Variants in HAS2 observed in about 807,000 individuals in gnomAD.
The protein encoded by HAS2 is HA synthase 2.
In HAS2, 16 loss-of-function variants were observed where a neutral mutation model predicts 51.6. The observed-to-expected ratio is 0.31, with a 90% CI of 0.21 to 0.47. The LOEUF is 0.47. HAS2 is among the 20% of genes least tolerant of loss of function. HAS2 has a pLI of 1.00. For synonymous variants in HAS2, 228 were observed against 235.5 expected (o/e 0.97, Z 0.29); for missense variants, 361 against 662.6 (o/e 0.54, Z 5.00).
Position 121,630,706 on chromosome 8 carries a change from C to T in HAS2, c.1-1366G>A, listed in dbSNP as rs150398331. 8.4e-4 allele frequency among the ~76,000 whole-genome samples: 128 copies of T among 152,246 alleles called. 1 individual carries two copies. The highest frequency in any genetic ancestry group is 3.0e-3 in the African/African-American group (126 of 41,550). On this transcript the variant is annotated intron_variant, in intron 1 of 3. Coordinates refer to ENST00000303924, the MANE Select transcript of HAS2 (RefSeq NM_005328.3). ...AGTTTATTTTAAATAGAAACTTAGACTAAGCAATTACCTTTGCAAAATCTT... is the reference window on the plus strand; with the variant it reads ...AGTTTATTTTAAATAGAAACTTAGATTAAGCAATTACCTTTGCAAAATCTT...
chr8:121,632,381 A>C (rs1461927395), intron 1 of HAS2, among the ~76,000 whole-genome samples: 1 of 152,210 alleles, frequency 6.6e-6, no homozygotes, highest in Non-Finnish European at 1.5e-5. Context: ...AAATTGGAAA[A>C]TAGAGTTAGT....
intron 1 of HAS2, among the ~76,000 whole-genome samples, chr8:121,630,795 A>G (rs1330808599): frequency 6.6e-6 from 1 of 152,208 alleles, no homozygotes; most frequent in Non-Finnish European, 1.5e-5. Flanking sequence ...CTGTTCACAC[A>G]GTATCCTCTA....
At chr8:121,616,157 A>G (rs1187400918) in intron 3 of HAS2, among the ~76,000 whole-genome samples, 1 of 152,184 alleles carries the variant, frequency 6.6e-6, no homozygotes, top group Non-Finnish European at 1.5e-5. Flanking sequence ...ATATTTTCAC[A>G]TATACATTTT....
intron 1 of HAS2, among the ~76,000 whole-genome samples, chr8:121,632,512 T>C (rs533769958): frequency 6.6e-6 from 1 of 152,310 alleles, no homozygotes; most frequent in Admixed American, 6.5e-5. Flanking sequence ...GGCCTACTAA[T>C]TGATACCAAA....
At position 121,613,401 on chromosome 8, in the gene HAS2, G is replaced by A. The variant is rs1201301339; in HGVS notation, c.*708C>T. On this transcript the variant is annotated 3_prime_UTR_variant, in exon 4 of 4. Coordinates refer to ENST00000303924, the MANE Select transcript of HAS2 (RefSeq NM_005328.3). ...AGAAATAAACTATTCAATTTTAAAAGGTAGAGAGAGAGAAACATTTTATTC... is the reference window on the plus strand; with the variant it reads ...AGAAATAAACTATTCAATTTTAAAAAGTAGAGAGAGAGAAACATTTTATTC... 9.8e-5 allele frequency: 15 copies of A among 152,440 alleles called. No homozygotes were observed. The highest frequency in any genetic ancestry group is 1.3e-4 in the Admixed American group (2 of 15,262). 9.4% of individuals were successfully genotyped at this position (152,440 alleles called of 1,614,324 possible).
chr8:121,624,984 G>C (rs1451249375), intron 2 of HAS2, among the ~76,000 whole-genome samples: 1 of 151,752 alleles, frequency 6.6e-6, no homozygotes, highest in Non-Finnish European at 1.5e-5. Context: ...TGTAGTCCCG[G>C]GTACTTGGGA....
At chr8:121,616,457 G>A (rs1586502066) in intron 3 of HAS2, among the ~76,000 whole-genome samples, 1 of 142,616 alleles carries the variant, frequency 7.0e-6, no homozygotes, top group Admixed American at 7.1e-5. Context: ...TTTTTTTTGA[G>A]ACTGGGTCTT....
chr8:121,625,644 G>A (rs1212043576), intron 2 of HAS2, among the ~76,000 whole-genome samples: 1 of 150,184 alleles, frequency 6.7e-6, no homozygotes, highest in African/African-American at 2.5e-5. Context: ...GAGTAGCTGG[G>A]ACCAGAGACA....
chr8:121,629,110 G>T lies in HAS2; in HGVS notation c.231C>A (p.Thr77=). 1.9e-6 allele frequency: 3 copies of T among 1,614,052 alleles called. No homozygotes were observed. Among genetic ancestry groups the T allele is most frequent in the Non-Finnish European group, 2.5e-6 (3 of 1,179,960 alleles). ...EHRKMKKSLE[T]PIKLNKTVAL... ...CAACTGTTTTGTTCAACTTTATGGG[G>T]GTTTCTAGGGATTTTTTCATTTTTC... Residue 77 remains threonine (T), a synonymous_variant, in exon 2 of 4, where the codon ACC becomes ACA. Coordinates refer to ENST00000303924, the MANE Select transcript of HAS2 (RefSeq NM_005328.3).
chr8:121,621,073 C>G lies in HAS2; in HGVS notation c.628-3867G>C, dbSNP rs117075089. On this transcript the variant is annotated intron_variant, in intron 2 of 3. Coordinates refer to ENST00000303924, the MANE Select transcript of HAS2 (RefSeq NM_005328.3). ...ACTAGTTACAACAGAGACCATATAG[C>G]CTGCAAAGCCTAATATTTACTATTT... 3.3e-4 allele frequency among the ~76,000 whole-genome samples: 50 copies of G among 152,262 alleles called. No individual in the cohort carries two copies. The East Asian group carries it at 9.3e-3, about 28-fold the overall frequency.
chr8:121,618,390 G>T (rs1812734297), intron 2 of HAS2, among the ~76,000 whole-genome samples: 3 of 152,078 alleles, frequency 2.0e-5, no homozygotes. Context: ...CTGTTCCTGG[G>T]GGGGTGCCCA....
At chr8:121,615,486 G>A (rs1466628832) in intron 3 of HAS2, among the ~76,000 whole-genome samples, 1 of 152,054 alleles carries the variant, frequency 6.6e-6, no homozygotes, top group African/African-American at 2.4e-5. Flanking sequence ...CACCAGGCCT[G>A]GCTAATTTTT....
intron 1 of HAS2, among the ~76,000 whole-genome samples, chr8:121,630,579 C>T (rs1812916131): frequency 6.6e-6 from 1 of 152,158 alleles, no homozygotes; most frequent in Non-Finnish European, 1.5e-5. Context: ...GCAATATCTT[C>T]ATCTTTAGTC....
At position 121,612,858 on chromosome 8, in the gene HAS2, T is replaced by C. The variant is rs1268616676; in HGVS notation, c.*1251A>G. On this transcript the variant is annotated 3_prime_UTR_variant, in exon 4 of 4. Coordinates refer to ENST00000303924, the MANE Select transcript of HAS2 (RefSeq NM_005328.3). ...AGAGGATAGATACTTGGTGATTCTA[T>C]CTGCCAATTTTGAATTTATATGTTT... 1 of 152,022 alleles carries C rather than the reference T, an allele frequency of 6.6e-6. No individual in the cohort carries two copies. Among genetic ancestry groups the C allele is most frequent in the East Asian group, 1.9e-4 (1 of 5,188 alleles). 9.4% of individuals were successfully genotyped at this position (152,022 alleles called of 1,614,324 possible).
intron 1 of HAS2, among the ~76,000 whole-genome samples, chr8:121,630,781 C>A (rs186868480): frequency 6.6e-6 from 1 of 152,324 alleles, no homozygotes; most frequent in African/African-American, 2.4e-5. Context: ...AAACTTAACA[C>A]TGACTGTTCA....
rs1812668254 is a variant in HAS2 at position 121,613,920 on chromosome 8, T to G, written c.*189A>C. On this transcript the variant is annotated 3_prime_UTR_variant, in exon 4 of 4. Coordinates refer to ENST00000303924, the MANE Select transcript of HAS2 (RefSeq NM_005328.3). ...TTTCATAGAAATAACAGGTTAAATCTGAGTTTCTTCTTGTTGATGTATTGT... is the reference window on the plus strand; with the variant it reads ...TTTCATAGAAATAACAGGTTAAATCGGAGTTTCTTCTTGTTGATGTATTGT... 2.6e-6 allele frequency: 2 copies of G among 774,394 alleles called. No individual in the cohort carries two copies. The highest frequency in any genetic ancestry group is 3.5e-5 in the South Asian group (2 of 56,354). The allele number at this position is 774,394 out of a possible 1,614,324, so 48.0% of individuals were successfully genotyped here.
rs540379459 is a variant in HAS2, at chr8:121,636,542, C to T, written c.-1+4311G>A. On this transcript the variant is annotated intron_variant, in intron 1 of 3. Transcript: ENST00000303924. Reference sequence around the variant, plus strand: ...TTTTTTACAGGACTTGTCACTCCAGCGGTGTCTGGGTTCAGAACTGTAGGT... The same window carrying T: ...TTTTTTACAGGACTTGTCACTCCAGTGGTGTCTGGGTTCAGAACTGTAGGT... Among the ~76,000 whole-genome samples, 14 of 152,246 alleles carry T rather than the reference C, an allele frequency of 9.2e-5. No homozygotes were observed. The East Asian group carries it at 2.1e-3, about 23-fold the overall frequency.
At chr8:121,624,183 G>T (rs1812811878) in intron 2 of HAS2, among the ~76,000 whole-genome samples, 1 of 152,120 alleles carries the variant, frequency 6.6e-6, no homozygotes, top group African/African-American at 2.4e-5. Context: ...ATCTCCATGA[G>T]GTGTATCACA....
chr8:121,638,410 T>A (rs1230712511), intron 1 of HAS2, among the ~76,000 whole-genome samples: 1 of 152,194 alleles, frequency 6.6e-6, no homozygotes, highest in African/African-American at 2.4e-5. Flanking sequence ...CTGCATAACT[T>A]TCTTTGATAA....
Sources: allele counts gnomAD v4.1 joint callset (sites outside exome capture counted in the v4.1 genomes callset), GRCh38; gene constraint gnomAD v4.1.1; transcripts MANE v1.5; gene names NCBI Gene and HGNC (gene_info 2026-07-23, HGNC 2026-07-21).